UTS2: variants seen among roughly 807,000 people sequenced by gnomAD.
UTS2 encodes the protein urotensin 2, also known as urotensin-2.
UTS2 carries 10 observed loss-of-function variants against 12.6 expected under a neutral mutation model. The ratio of observed to expected loss-of-function variants is 0.80; its 90% confidence interval spans 0.49 to 1.35. UTS2 has a LOEUF of 1.35. Ranked by LOEUF, UTS2 falls within the 40% of genes most tolerant of loss-of-function variation. UTS2 has a pLI of 0.00. For missense variants in UTS2, 142 were observed against 143.2 expected (o/e 0.99, Z 0.04); for synonymous variants, 52 against 50.0 (o/e 1.04, Z -0.17).
Position 7,849,641 on chromosome 1 carries a change from T to G in UTS2, c.257A>C (p.Lys86Thr). ...TAACTCATAAATAGAGTCACTTACC[T>G]TTCTCAAATTTCCTCTTGGGTTAAA... ...NIFNPRGNLR[K>T]FQDFSGQDPN... The change falls in exon 3 of 4, where the codon AAG becomes ACG. Residue 86 changes from lysine to threonine, a missense_variant and splice_region_variant. Physicochemically the swap from Lys to Thr is moderately conservative, Grantham distance 78. Coordinates refer to ENST00000361696, the MANE Select transcript of UTS2 (RefSeq NM_006786.4). 6.2e-7 allele frequency: 1 copy of G among 1,609,240 alleles called. No individual in the cohort carries two copies. The highest frequency in any genetic ancestry group is 8.5e-7 in the Non-Finnish European group (1 of 1,178,830).
At chr1:7,853,786 G>A (rs777827741), upstream of UTS2, among the ~76,000 whole-genome samples, 8 of 152,220 alleles carry the variant, frequency 5.3e-5, no homozygotes, top group South Asian at 2.1e-4. Context: ...GTCCAAGCCC[G>A]GATGGGTGGA....
the UTS2 span, among the ~76,000 whole-genome samples, chr1:7,875,707 G>A: frequency 6.6e-6 from 1 of 152,052 alleles, no homozygotes; most frequent in Non-Finnish European, 1.5e-5. Context: ...ATCAAGATGA[G>A]GGGACTGAGG....
chr1:7,868,005 A>G, the UTS2 span, among the ~76,000 whole-genome samples: 2 of 152,224 alleles, frequency 1.3e-5, no homozygotes, highest in Middle Eastern at 3.2e-3. Context: ...GATGTATTAA[A>G]TCAGACAAAG....
At chr1:7,862,379 G>A in the UTS2 span, among the ~76,000 whole-genome samples, 2 of 151,754 alleles carry the variant, frequency 1.3e-5, no homozygotes, top group East Asian at 3.9e-4. Context: ...GAATACCTGA[G>A]GATACCTGCG....
At chr1:7,880,942 A>T in the UTS2 span, among the ~76,000 whole-genome samples, 2 of 152,194 alleles carry the variant, frequency 1.3e-5, no homozygotes, top group Non-Finnish European at 2.9e-5. Context: ...TCAAAAAGAT[A>T]ATACATCATG....
the UTS2 span, among the ~76,000 whole-genome samples, chr1:7,896,241 G>A: frequency 6.6e-6 from 1 of 151,490 alleles, no homozygotes; most frequent in Non-Finnish European, 1.5e-5. Context: ...GATAAGTGGG[G>A]AAGGGATGTT....
the UTS2 span, among the ~76,000 whole-genome samples, chr1:7,904,229 C>G: frequency 8.4e-4 from 127 of 151,574 alleles, no homozygotes; most frequent in African/African-American, 2.9e-3. Context: ...CTTTGGGAGG[C>G]CCAAGGCGGA....
the UTS2 span, among the ~76,000 whole-genome samples, chr1:7,881,259 G>A: frequency 1.3e-5 from 2 of 152,132 alleles, no homozygotes; most frequent in Non-Finnish European, 2.9e-5. Context: ...TTACCACTCT[G>A]ATTCAACATA....
chr1:7,882,916 G>T, the UTS2 span, among the ~76,000 whole-genome samples: 1 of 152,108 alleles, frequency 6.6e-6, no homozygotes, highest in Non-Finnish European at 1.5e-5. Flanking sequence ...AAAAATAAAT[G>T]CAGGTAAGAA....
upstream of UTS2, among the ~76,000 whole-genome samples, chr1:7,854,404 G>T (rs1443864659): frequency 6.7e-6 from 1 of 150,202 alleles, no homozygotes; most frequent in East Asian, 1.9e-4. Context: ...AATTAACCAG[G>T]TGTGGTGGTG....
At chr1:7,912,819 G>T in the UTS2 span, among the ~76,000 whole-genome samples, 1 of 151,858 alleles carries the variant, frequency 6.6e-6, no homozygotes, top group Non-Finnish European at 1.5e-5. Flanking sequence ...ACTCTGCCCT[G>T]CCAGGAGCCA....
the UTS2 span, among the ~76,000 whole-genome samples, chr1:7,892,733 G>A: frequency 2.2e-4 from 33 of 151,646 alleles, no homozygotes; most frequent in South Asian, 6.7e-3. Flanking sequence ...GCAATTCAGC[G>A]GCCTCGGTCT....
chr1:7,871,772 G>A, the UTS2 span, among the ~76,000 whole-genome samples: 165 of 152,200 alleles, frequency 1.1e-3, 2 homozygotes, highest in African/African-American at 3.8e-3. Context: ...TATTCGAATT[G>A]TTTGGGGGCA....
chr1:7,853,649 A>G, upstream of UTS2: 2 of 507,638 alleles, frequency 3.9e-6, no homozygotes, highest in Non-Finnish European at 6.8e-6. Flanking sequence ...TCTTCAGAGA[A>G]AGGAAATAAC....
chr1:7,881,790 C>A, the UTS2 span, among the ~76,000 whole-genome samples: 1 of 152,154 alleles, frequency 6.6e-6, no homozygotes, highest in Non-Finnish European at 1.5e-5. Flanking sequence ...CCCTAAAATT[C>A]GTATGGGACC....
chr1:7,859,972 T>G, the UTS2 span, among the ~76,000 whole-genome samples: 2 of 151,370 alleles, frequency 1.3e-5, 1 homozygote, highest in Non-Finnish European at 2.9e-5. Context: ...GCACTCCAGC[T>G]TAGGCGACAG....
intron 1 of UTS2, among the ~76,000 whole-genome samples, chr1:7,851,731 A>G (rs2097414392): frequency 1.3e-5 from 2 of 152,232 alleles, no homozygotes; most frequent in African/African-American, 4.8e-5. Flanking sequence ...AAGACTGTTA[A>G]TGAAAATCTA....
chr1:7,894,463 C>A, the UTS2 span, among the ~76,000 whole-genome samples: 1 of 152,202 alleles, frequency 6.6e-6, no homozygotes, highest in Non-Finnish European at 1.5e-5. Context: ...CATGAACCAC[C>A]GTGCCCGACC....
the UTS2 span, among the ~76,000 whole-genome samples, chr1:7,905,934 G>A: frequency 6.6e-6 from 1 of 151,916 alleles, no homozygotes; most frequent in Admixed American, 6.6e-5. Flanking sequence ...GGTGTCTGGG[G>A]GGCTTGTCTT....
Sources: allele counts gnomAD v4.1 joint callset (sites outside exome capture counted in the v4.1 genomes callset), GRCh38; gene constraint gnomAD v4.1.1; transcripts MANE v1.5; gene names NCBI Gene and HGNC (gene_info 2026-07-23, HGNC 2026-07-21).